The following RSU1 variants were observed in gnomAD, a reference collection of about 807,000 sequenced individuals.
The protein encoded by RSU1 is Ras suppressor protein 1, also known as rsu-1.
A neutral mutation model predicts 31.1 loss-of-function variants in RSU1; 26 were observed. The ratio of observed to expected loss-of-function variants is 0.84; its 90% CI spans 0.61 to 1.16. The LOEUF (loss-of-function observed/expected upper bound fraction) is 1.16, where lower values mean the gene tolerates loss of function less well. Ranked by LOEUF, RSU1 falls within the 50% of genes most tolerant of loss-of-function variation. The pLI, the probability that RSU1 is intolerant of heterozygous loss-of-function variation, is 0.00. For synonymous variants in RSU1, 164 were observed against 136.3 expected (o/e 1.20, Z -1.41); for missense variants, 320 against 339.1 (o/e 0.94, Z 0.44).
chr10:16,805,467 C>T (rs1336338373), intron 2 of RSU1, among the ~76,000 whole-genome samples: 1 of 151,678 alleles, frequency 6.6e-6, no homozygotes, highest in Non-Finnish European at 1.5e-5. Flanking sequence ...GTGAGGAGAT[C>T]GAGACCATCC....
intron 2 of RSU1, among the ~76,000 whole-genome samples, chr10:16,788,112 CCT>C (rs1837832617): frequency 6.6e-6 from 1 of 152,100 alleles, no homozygotes; most frequent in Non-Finnish European, 1.5e-5. Context: ...CCCAGAAATC[CCT>C]GATAACAAAC....
At chr10:16,669,600 A>G (rs992993310) in intron 8 of RSU1, among the ~76,000 whole-genome samples, 1 of 151,596 alleles carries the variant, frequency 6.6e-6, no homozygotes, top group Middle Eastern at 3.2e-3. Context: ...TGTTTGTTTT[A>G]TGTGTGTGTG....
At chr10:16,655,075 AGAGAG>A (rs377025168) in intron 8 of RSU1, among the ~76,000 whole-genome samples, 103 of 74,100 alleles carry the variant, frequency 1.4e-3, no homozygotes, top group African/African-American at 1.9e-3. Flanking sequence ...AAAAAAAAAA[AGAGAG>A]AGAGAGAGAG....
intron 8 of RSU1, among the ~76,000 whole-genome samples, chr10:16,661,302 G>A (rs866737680): frequency 4.9e-4 from 73 of 149,884 alleles, no homozygotes; most frequent in Middle Eastern, 3.4e-3. Context: ...GTGTGTGTGT[G>A]TGTGTGTGTG....
chr10:16,659,409 ACC>A (rs1240888190), intron 8 of RSU1, among the ~76,000 whole-genome samples: 1 of 151,212 alleles, frequency 6.6e-6, no homozygotes, highest in African/African-American at 2.4e-5. Context: ...TATACCTGGA[ACC>A]GATTTTTTGT....
intron 8 of RSU1, among the ~76,000 whole-genome samples, chr10:16,680,171 C>T (rs574280718): frequency 3.9e-5 from 6 of 152,090 alleles, no homozygotes; most frequent in Middle Eastern, 3.4e-3. Context: ...TGTGAGACAT[C>T]GCACAAAGCC....
chr10:16,727,712 A>C (rs889113547), intron 7 of RSU1, among the ~76,000 whole-genome samples: 2 of 152,148 alleles, frequency 1.3e-5, no homozygotes, highest in African/African-American at 4.8e-5. Context: ...AAAATAAGAA[A>C]ATTTTTAAAA....
chr10:16,644,030 C>T (rs1428919703), intron 8 of RSU1, among the ~76,000 whole-genome samples: 3 of 151,370 alleles, frequency 2.0e-5, no homozygotes, highest in African/African-American at 7.3e-5. Flanking sequence ...GCATAGGTTA[C>T]ATGCAAATAC....
At chr10:16,627,390 A>G (rs1834176869) in intron 8 of RSU1, among the ~76,000 whole-genome samples, 2 of 152,236 alleles carry the variant, frequency 1.3e-5, no homozygotes, top group South Asian at 4.1e-4. Context: ...TTGTAGTGGC[A>G]TGACAAAAAT....
At chr10:16,712,888 G>A (rs886585491) in intron 7 of RSU1, among the ~76,000 whole-genome samples, 1 of 152,034 alleles carries the variant, frequency 6.6e-6, no homozygotes, top group African/African-American at 2.4e-5. Flanking sequence ...CCAACCTACT[G>A]GTCACAAATT....
At chr10:16,777,140 C>T (rs1837549890) in intron 3 of RSU1, among the ~76,000 whole-genome samples, 1 of 152,086 alleles carries the variant, frequency 6.6e-6, no homozygotes, top group Middle Eastern at 3.4e-3. Context: ...CTCCCCAACA[C>T]AATGGAATTG....
At chr10:16,619,793 GA>G (rs1339781139) in intron 8 of RSU1, among the ~76,000 whole-genome samples, 1 of 152,162 alleles carries the variant, frequency 6.6e-6, no homozygotes, top group African/African-American at 2.4e-5. Flanking sequence ...ATTTTCCAAA[GA>G]AGTAAAAATA....
chr10:16,609,729 CAAG>C (rs1416498958), intron 8 of RSU1, among the ~76,000 whole-genome samples: 4 of 152,220 alleles, frequency 2.6e-5, no homozygotes, highest in East Asian at 3.8e-4. Context: ...AACGATCATC[CAAG>C]AAGATTTCCA....
chr10:16,683,418 T>C (rs959211781), intron 8 of RSU1, among the ~76,000 whole-genome samples: 1 of 152,194 alleles, frequency 6.6e-6, no homozygotes, highest in African/African-American at 2.4e-5. Context: ...TATTAAAAAA[T>C]AGCCCAGGAA....
intron 7 of RSU1, among the ~76,000 whole-genome samples, chr10:16,731,291 G>A (rs994851428): frequency 6.6e-6 from 1 of 151,990 alleles, no homozygotes; most frequent in Non-Finnish European, 1.5e-5. Flanking sequence ...TTAGCCGGGC[G>A]CGGGGGTGGG....
At chr10:16,792,925 C>T (rs1249460088) in intron 2 of RSU1, among the ~76,000 whole-genome samples, 1 of 152,228 alleles carries the variant, frequency 6.6e-6, no homozygotes, top group African/African-American at 2.4e-5. Flanking sequence ...AGCTCTGCAT[C>T]TCCGTGATGC....
intron 8 of RSU1, among the ~76,000 whole-genome samples, chr10:16,658,075 G>A (rs1288051663): frequency 6.6e-6 from 1 of 152,142 alleles, no homozygotes; most frequent in East Asian, 1.9e-4. Flanking sequence ...TTCTTCTAGG[G>A]GATAACAGGG....
At chr10:16,814,440 CCT>C in intron 2 of RSU1, among the ~76,000 whole-genome samples, 1 of 124,348 alleles carries the variant, frequency 8.0e-6, no homozygotes, top group Middle Eastern at 4.2e-3. Context: ...AGAGCGAGAC[CCT>C]GTTTTCAGGA....
At chr10:16,772,516 G>A (rs933171218) in intron 3 of RSU1, among the ~76,000 whole-genome samples, 1 of 151,784 alleles carries the variant, frequency 6.6e-6, no homozygotes, top group Admixed American at 6.6e-5. Context: ...GCAGCACTGA[G>A]AGGAAAGGAA....
Sources: allele counts gnomAD v4.1 joint callset (sites outside exome capture counted in the v4.1 genomes callset), GRCh38; gene constraint gnomAD v4.1.1; transcripts MANE v1.5; gene names NCBI Gene and HGNC (gene_info 2026-07-23, HGNC 2026-07-21).